MARCHF10: variants seen among roughly 807,000 people sequenced by gnomAD.
MARCHF10 encodes the protein membrane associated ring-CH-type finger 10, also known as probable E3 ubiquitin-protein ligase MARCHF10.
MARCHF10 carries 64 observed loss-of-function variants against 76.2 expected under a neutral mutation model. The observed-to-expected ratio is 0.84, with a 90% confidence interval of 0.69 to 1.03. MARCHF10 has a LOEUF of 1.03. Among genes scored for constraint, MARCHF10 ranks in the 50% least tolerant of loss-of-function variants. The pLI, the probability that MARCHF10 is intolerant of heterozygous loss-of-function variation, is 0.00. For synonymous variants in MARCHF10, 340 were observed against 357.5 expected (o/e 0.95, Z 0.55); for missense variants, 875 against 958.0 (o/e 0.91, Z 1.14).
chr17:62,750,961 C>CAGGCTGTA (rs1408180256), intron 4 of MARCHF10, among the ~76,000 whole-genome samples: 1 of 152,210 alleles, frequency 6.6e-6, no homozygotes, highest in Admixed American at 6.5e-5. Context: ...CCCCCGCTAG[C>CAGGCTGTA]AGGCTGTAGT....
At chr17:62,795,922 A>C (rs1031279049) in intron 2 of MARCHF10, among the ~76,000 whole-genome samples, 1 of 152,134 alleles carries the variant, frequency 6.6e-6, no homozygotes, top group Admixed American at 6.5e-5. Flanking sequence ...CACCCACCAC[A>C]AAGTCACCAT....
chr17:62,731,308 G>C (rs1196870257), intron 6 of MARCHF10, among the ~76,000 whole-genome samples: 1 of 152,120 alleles, frequency 6.6e-6, no homozygotes, highest in East Asian at 1.9e-4. Flanking sequence ...TGTTGCCCAG[G>C]CTGGAGTCCA....
rs1312966030 is a variant in MARCHF10, at chr17:62,801,689, T to G, written c.47A>C (p.Gln16Pro). 1.9e-6 allele frequency: 3 copies of G among 1,614,098 alleles called. No individual in the cohort carries two copies. Among genetic ancestry groups the G allele is most frequent in the African/African-American group, 2.7e-5 (2 of 74,942 alleles). ...CTTATGCTGCATGTCCCGCAGATAC[T>G]GAACATCGCTGAAGAACTTCTGCCT... ...RDRQKFFSDV[Q>P]YLRDMQHKVD... The change falls in exon 2 of 11, where the codon CAG becomes CCG. Residue 16 changes from glutamine to proline, a missense_variant. Gln to Pro is a moderately conservative substitution (Grantham distance 76). Transcript: ENST00000311269.
intron 2 of MARCHF10, among the ~76,000 whole-genome samples, chr17:62,790,187 TC>T (rs927345309): frequency 5.9e-5 from 9 of 151,994 alleles, no homozygotes; most frequent in African/African-American, 2.2e-4. Context: ...GTTTTTTTTT[TC>T]CCCCCAAGAT....
At chr17:62,796,106 G>A (rs2092981105) in intron 2 of MARCHF10, among the ~76,000 whole-genome samples, 1 of 151,768 alleles carries the variant, frequency 6.6e-6, no homozygotes, top group Non-Finnish European at 1.5e-5. Context: ...CTGAGTTCAA[G>A]CTATTCTCCT....
intron 1 of MARCHF10, among the ~76,000 whole-genome samples, chr17:62,802,793 G>A (rs574394406): frequency 6.6e-6 from 1 of 152,206 alleles, no homozygotes; most frequent in African/African-American, 2.4e-5. Context: ...GGGAAGCAGT[G>A]CAGCTGGAGC....
At chr17:62,734,529 T>G (rs1460898649) in intron 6 of MARCHF10, among the ~76,000 whole-genome samples, 1 of 152,116 alleles carries the variant, frequency 6.6e-6, no homozygotes, top group Non-Finnish European at 1.5e-5. Flanking sequence ...GATTGAGAAA[T>G]AGGATTAGAT....
chr17:62,793,453 A>T (rs564251397), intron 2 of MARCHF10, among the ~76,000 whole-genome samples: 2 of 126,110 alleles, frequency 1.6e-5, no homozygotes, highest in Non-Finnish European at 3.3e-5. Context: ...CACCACCATC[A>T]CCACCACCAT....
chr17:62,804,539 A>G (rs1174343121), intron 1 of MARCHF10, among the ~76,000 whole-genome samples: 4 of 152,148 alleles, frequency 2.6e-5, no homozygotes, highest in Non-Finnish European at 5.9e-5. Context: ...AAAGGAGGCT[A>G]TTAATAACCT....
At chr17:62,729,373 C>A (rs1357924033) in intron 6 of MARCHF10, among the ~76,000 whole-genome samples, 1 of 150,264 alleles carries the variant, frequency 6.7e-6, no homozygotes, top group Non-Finnish European at 1.5e-5. Flanking sequence ...AAATACTGTT[C>A]GTATTTTCTG....
intron 9 of MARCHF10, among the ~76,000 whole-genome samples, chr17:62,709,074 A>G (rs2089765271): frequency 6.6e-6 from 1 of 152,216 alleles, no homozygotes; most frequent in Admixed American, 6.5e-5. Flanking sequence ...CTTTACGGAA[A>G]GGGACATCAG....
chr17:62,750,720 A>G (rs2091870705), intron 4 of MARCHF10, among the ~76,000 whole-genome samples: 1 of 152,194 alleles, frequency 6.6e-6, no homozygotes, highest in Non-Finnish European at 1.5e-5. Context: ...AACCAAGGGA[A>G]GCGGCACCAG....
At chr17:62,796,581 A>C (rs1315393123) in intron 2 of MARCHF10, among the ~76,000 whole-genome samples, 1 of 152,250 alleles carries the variant, frequency 6.6e-6, no homozygotes, top group African/African-American at 2.4e-5. Context: ...TTGATAGCCA[A>C]GTTAGGCAAC....
At chr17:62,767,996 A>G (rs1173992431) in intron 3 of MARCHF10, among the ~76,000 whole-genome samples, 1 of 152,112 alleles carries the variant, frequency 6.6e-6, no homozygotes, top group East Asian at 1.9e-4. Context: ...ACCTCTGCCT[A>G]TCACCTTCCT....
intron 3 of MARCHF10, among the ~76,000 whole-genome samples, chr17:62,772,048 A>T (rs2092458441): frequency 6.6e-6 from 1 of 152,208 alleles, no homozygotes. Flanking sequence ...GGACTTGGTG[A>T]CGAATTCAGT....
rs190953114 is a variant in MARCHF10, at chr17:62,760,223, T to C, written c.211-217A>G. Reference sequence around the variant, plus strand: ...GTTAGTGAGTCTGTTTTGTAGAACATTATGAAAGAATGCATTTTTCTGTGA... The same window carrying C: ...GTTAGTGAGTCTGTTTTGTAGAACACTATGAAAGAATGCATTTTTCTGTGA... On this transcript the variant is annotated intron_variant, in intron 3 of 10. Coordinates refer to ENST00000311269, the MANE Select transcript of MARCHF10 (RefSeq NM_152598.4). Among the ~76,000 whole-genome samples, 186 of 152,292 alleles carry C rather than the reference T, an allele frequency of 1.2e-3. 1 individual carries two copies. The highest frequency in any genetic ancestry group is 1.9e-4 in the Non-Finnish European group (13 of 68,030).
chr17:62,788,281 G>A (rs573019417), intron 3 of MARCHF10, among the ~76,000 whole-genome samples, 199 bp downstream of exon 3: 1 of 152,320 alleles, frequency 6.6e-6, no homozygotes, highest in Admixed American at 6.5e-5. Flanking sequence ...AGAGCTGGGA[G>A]CCACAGGGGT....
In MARCHF10 at chr17:62,702,540, T is replaced by G. The variant is rs1233323043; in HGVS notation, c.2372-782A>C. 2.6e-5 allele frequency among the ~76,000 whole-genome samples: 4 copies of G among 151,948 alleles called. No homozygotes were observed. The East Asian group carries it at 7.8e-4, about 29-fold the overall frequency. ...AATTAGCCAGGGGTGGTGGCGGGTG[T>G]CTGTAATCCCAGCTGCTTAGGAGGT... On this transcript the variant is annotated intron_variant, in intron 10 of 10. Transcript: ENST00000311269.
chr17:62,720,782 T>C (rs2090442043), intron 8 of MARCHF10, among the ~76,000 whole-genome samples: 1 of 152,112 alleles, frequency 6.6e-6, no homozygotes, highest in South Asian at 2.1e-4. Flanking sequence ...AGTTCATTAA[T>C]TACAGCTTAA....
Sources: gnomAD v4.1 joint callset for allele counts (sites outside exome capture counted in the v4.1 genomes callset) on GRCh38, gnomAD v4.1.1 for gene constraint, MANE v1.5 for transcripts, NCBI Gene and HGNC (gene_info 2026-07-23, HGNC 2026-07-21) for gene names.